The following CPO variants were observed in gnomAD, a reference collection of about 807,000 sequenced individuals.
CPO encodes the protein carboxypeptidase O.
A neutral mutation model predicts 41.2 loss-of-function variants in CPO; 43 were observed. That is an observed-to-expected ratio of 1.04 (90% CI 0.82 to 1.35). The LOEUF is 1.35. Among genes scored for constraint, CPO ranks in the 40% most tolerant of loss-of-function variants. CPO has a pLI of 0.00. For missense variants in CPO, 408 were observed against 451.7 expected (o/e 0.90, Z 0.88); for synonymous variants, 178 against 162.7 (o/e 1.09, Z -0.72).
intron 2 of CPO, among the ~76,000 whole-genome samples, chr2:206,952,739 C>A (rs561902721): frequency 6.6e-6 from 1 of 152,218 alleles, no homozygotes; most frequent in East Asian, 1.9e-4. Flanking sequence ...CAGGTCTTCT[C>A]TAATCTTGGA....
At chr2:206,965,312 A>G (rs7587171) in intron 7 of CPO, among the ~76,000 whole-genome samples, 47,362 of 152,020 alleles carry the variant, frequency 0.31, 8,415 homozygotes, top group Non-Finnish European at 0.41. Context: ...CTTGGGGGCA[A>G]GCTTTGATAG....
chr2:206,959,011 G>C (rs1242927439), intron 4 of CPO, among the ~76,000 whole-genome samples: 2 of 151,984 alleles, frequency 1.3e-5, no homozygotes, highest in East Asian at 3.9e-4. Flanking sequence ...AAAGTGCTGG[G>C]ATTACAGGCA....
chr2:206,969,356 T>G lies in CPO; in HGVS notation c.1045T>G (p.Trp349Gly). 6.2e-7 allele frequency: 1 copy of G among 1,614,036 alleles called. No homozygotes were observed. Among genetic ancestry groups the G allele is most frequent in the African/African-American group, 1.3e-5 (1 of 75,044 alleles). Residue 349 changes from tryptophan (W) to glycine (G), a missense_variant, in exon 9 of 9, where the codon TGG becomes GGG. Coordinates refer to ENST00000272852, the MANE Select transcript of CPO (RefSeq NM_173077.3). ...CCTGGATGATGTGTATGCGAAACAC[T>G]GGCACTCGGACAGTGCTGGAAGGGT... is the stretch of plus-strand genomic sequence containing the variant. ...SVLDDVYAKH[W>G]HSDSAGRVTS... is the part of the protein sequence containing the mutation.
intron 8 of CPO, 61 bp downstream of exon 8, chr2:206,968,408 T>C (rs991478539): frequency 1.0e-6 from 1 of 956,738 alleles, no homozygotes; most frequent in Non-Finnish European, 1.7e-6. Flanking sequence ...CAGTGGACTT[T>C]GGATGGTGAG....
At position 206,969,287 on chromosome 2, in the gene CPO, A is replaced by G. The variant is rs141911266; in HGVS notation, c.976A>G (p.Ile326Val). 1.3e-4 allele frequency: 204 copies of G among 1,614,018 alleles called. No individual in the cohort carries two copies. Among genetic ancestry groups the G allele is most frequent in the Non-Finnish European group, 1.6e-4 (191 of 1,180,030 alleles). Residue 326 changes from isoleucine to valine, a missense_variant, in exon 9 of 9, where the codon ATC (isoleucine) becomes GTC (valine). Physicochemically the swap from Ile to Val is conservative, Grantham distance 29. Coordinates refer to ENST00000272852, the MANE Select transcript of CPO (RefSeq NM_173077.3). Reference protein sequence around the residue: ...TYGFVLPEAQIQPTCEETMEA... With the variant: ...TYGFVLPEAQVQPTCEETMEA... ...TGGGTTTGTTCTGCCAGAAGCTCAG[A>G]TCCAGCCCACCTGTGAGGAGACCAT...
chr2:206,967,360 G>GATAT (rs1306787306), intron 7 of CPO, among the ~76,000 whole-genome samples: 11,006 of 112,248 alleles, frequency 0.098, 896 homozygotes, highest in African/African-American at 0.23. Context: ...TAGATATATA[G>GATAT]ATATAGATAT....
In CPO at chr2:206,962,554, G is replaced by A; in HGVS notation, c.717G>A (p.Gly239=). ...GCTTCCTGACCATGCACTCTTATGG[G>A]CAGTTAATTCTCACACCTTACGGCT... is the stretch of plus-strand genomic sequence containing the variant. The part of the protein sequence containing the change: ...ILCFLTMHSY[G]QLILTPYGYT... Residue 239 remains glycine (G), a synonymous_variant, in exon 7 of 9, where the codon GGG becomes GGA. Transcript: ENST00000272852. 6.2e-7 allele frequency: 1 copy of A among 1,614,052 alleles called. No homozygotes were observed. Among genetic ancestry groups the A allele is most frequent in the Non-Finnish European group, 8.5e-7 (1 of 1,179,988 alleles).
intron 3 of CPO, among the ~76,000 whole-genome samples, chr2:206,956,279 TTTGACCTAA>T (rs1238434525): frequency 2.0e-5 from 3 of 152,102 alleles, no homozygotes; most frequent in East Asian, 3.9e-4. Flanking sequence ...GGTTAGAGAT[TTTGACCTAA>T]TTGTTTCAGG....
chr2:206,965,843 G>A (rs534035249), intron 7 of CPO, among the ~76,000 whole-genome samples: 44 of 152,148 alleles, frequency 2.9e-4, no homozygotes, highest in Admixed American at 3.9e-4. Context: ...AAAAAAAGGC[G>A]GCAGAGAAAC....
chr2:206,955,300 G>T (rs1343636098), intron 2 of CPO, among the ~76,000 whole-genome samples, 163 bp from the exon 3 acceptor site: 2 of 152,194 alleles, frequency 1.3e-5, no homozygotes, highest in Non-Finnish European at 2.9e-5. Flanking sequence ...TTAAAGAAAG[G>T]GAAAGATGGG....
At chr2:206,942,722 T>G (rs911679698) in intron 1 of CPO, among the ~76,000 whole-genome samples, 6 of 152,160 alleles carry the variant, frequency 3.9e-5, no homozygotes, top group African/African-American at 1.4e-4. Flanking sequence ...GGTGATAATT[T>G]GGGAGATTAG....
chr2:206,961,283 A>G (rs1481526416), intron 6 of CPO, among the ~76,000 whole-genome samples: 1 of 152,210 alleles, frequency 6.6e-6, no homozygotes, highest in African/African-American at 2.4e-5. Flanking sequence ...ATTTCATAGC[A>G]GGGGGCAGGC....
chr2:206,951,684 GC>G (rs1282986119), intron 2 of CPO, among the ~76,000 whole-genome samples: 8 of 152,168 alleles, frequency 5.3e-5, no homozygotes, highest in African/African-American at 1.9e-4. Context: ...TTCACACATG[GC>G]TTGACCACTT....
chr2:206,964,626 T>C (rs1399806114), intron 7 of CPO, among the ~76,000 whole-genome samples: 3 of 152,216 alleles, frequency 2.0e-5, no homozygotes, highest in Non-Finnish European at 2.9e-5. Flanking sequence ...CAGTCAACTA[T>C]GCACTATTTC....
chr2:206,965,606 TG>T (rs1198696174), intron 7 of CPO, among the ~76,000 whole-genome samples: 16 of 152,280 alleles, frequency 1.1e-4, no homozygotes, highest in African/African-American at 3.9e-4. Context: ...GAACTCTCTT[TG>T]TATCAACCTC....
chr2:206,960,855 C>A lies in CPO; in HGVS notation c.487C>A (p.Arg163Ser). Residue 163 changes from arginine (R) to serine (S), a missense_variant, in exon 6 of 9, where the codon CGT becomes AGT. Arg to Ser is a moderately radical substitution (Grantham distance 110, BLOSUM62 -1). Coordinates refer to ENST00000272852, the MANE Select transcript of CPO (RefSeq NM_173077.3). ...TCCGTATGTTCCTCTGCTACAGGAT[C>A]GTCTTTGGAGGAAATCCCGTTCACC... ...DGYIYTWTTD[R>S]LWRKSRSPHN... 6.2e-7 allele frequency: 1 copy of A among 1,610,648 alleles called. No homozygotes were observed. Among genetic ancestry groups the A allele is most frequent in the Non-Finnish European group, 8.5e-7 (1 of 1,176,854 alleles).
rs763928386 is a variant in CPO at position 206,942,368 on chromosome 2, C to CT, written c.68+2707dup. On this transcript the variant is annotated intron_variant, in intron 1 of 8. Coordinates refer to ENST00000272852, the MANE Select transcript of CPO (RefSeq NM_173077.3). Reference sequence around the variant, plus strand: ...TCTTCTCTTTTCTATTTTTCTCCTCCTTTTTTACCTCTCCATACCTTCTAC... The same window carrying CT: ...TCTTCTCTTTTCTATTTTTCTCCTCCTTTTTTTACCTCTCCATACCTTCTAC... Among the ~76,000 whole-genome samples the CT allele has an allele frequency of 7.2e-5, 11 of 151,994 alleles. No homozygotes were observed. In the South Asian group the frequency reaches 8.3e-4, roughly 11 times the overall value.
At chr2:206,939,946 T>C (rs115626833) in intron 1 of CPO, among the ~76,000 whole-genome samples, 1,535 of 152,170 alleles carry the variant, frequency 0.01, 28 homozygotes, top group African/African-American at 0.035. Flanking sequence ...AAAAAGAAAA[T>C]TGTAATACAA....
intron 3 of CPO, among the ~76,000 whole-genome samples, chr2:206,957,579 G>T (rs550551158): frequency 2.0e-5 from 3 of 152,104 alleles, no homozygotes; most frequent in Non-Finnish European, 4.4e-5. Context: ...AAATAGCCTT[G>T]GTCTAGGCTA....
Sources: gnomAD v4.1 joint callset for allele counts (sites outside exome capture counted in the v4.1 genomes callset) on GRCh38, gnomAD v4.1.1 for gene constraint, MANE v1.5 for transcripts, NCBI Gene and HGNC (gene_info 2026-07-23, HGNC 2026-07-21) for gene names.